Variants in PDE11A observed in about 807,000 individuals in gnomAD.
PDE11A encodes dual 3',5'-cyclic-AMP and -GMP phosphodiesterase 11A.
In PDE11A, 100 loss-of-function variants were observed where a neutral mutation model predicts 100.5. The ratio of observed to expected loss-of-function variants is 1.00; its 90% confidence interval spans 0.85 to 1.18. PDE11A has a LOEUF of 1.18. Among genes scored for constraint, PDE11A ranks in the 50% most tolerant of loss-of-function variants. The pLI, the probability that PDE11A is intolerant of heterozygous loss-of-function variation, is 0.00. For synonymous variants in PDE11A, 381 were observed against 420.8 expected (o/e 0.91, Z 1.16); for missense variants, 1,141 against 1,152.6 (o/e 0.99, Z 0.15).
chr2:177,812,845 T>G (rs1434913216), intron 9 of PDE11A, among the ~76,000 whole-genome samples: 1 of 152,144 alleles, frequency 6.6e-6, no homozygotes, highest in African/African-American at 2.4e-5. Flanking sequence ...GATACACAGG[T>G]GCAATAAGCA....
chr2:178,097,196 C>T (rs968970251), intron 2 of PDE11A, among the ~76,000 whole-genome samples: 5 of 152,156 alleles, frequency 3.3e-5, no homozygotes, highest in Non-Finnish European at 7.4e-5. Context: ...ATCTCTTACA[C>T]ATTTTTAAGT....
At chr2:177,849,913 T>C (rs6414096) in intron 5 of PDE11A, among the ~76,000 whole-genome samples, 140,180 of 152,264 alleles carry the variant, frequency 0.92, 64,536 homozygotes, top group East Asian at 0.99. Flanking sequence ...GAACATTCCA[T>C]GCTCAAGGAT....
At chr2:178,055,353 G>T (rs535710330) in intron 1 of PDE11A, among the ~76,000 whole-genome samples, 9 of 151,472 alleles carry the variant, frequency 5.9e-5, no homozygotes, top group South Asian at 2.1e-4. Flanking sequence ...GTCATGGGGT[G>T]GGGGGGAGGG....
At chr2:177,807,532 C>T (rs112911489) in intron 9 of PDE11A, among the ~76,000 whole-genome samples, 1,633 of 152,046 alleles carry the variant, frequency 0.011, 15 homozygotes, top group East Asian at 0.059. Flanking sequence ...GCAATCCTCC[C>T]ACCTCAACCT....
intron 9 of PDE11A, among the ~76,000 whole-genome samples, chr2:177,795,249 G>A (rs1356769932): frequency 1.3e-5 from 2 of 152,066 alleles, no homozygotes; most frequent in Non-Finnish European, 2.9e-5. Context: ...CACACTTTTG[G>A]AAATAGACAT....
intron 17 of PDE11A, among the ~76,000 whole-genome samples, chr2:177,671,049 G>T (rs1222915310): frequency 1.3e-5 from 2 of 152,096 alleles, no homozygotes; most frequent in East Asian, 3.8e-4. Context: ...CCTTTGAAGA[G>T]GAAATGGTCC....
intron 14 of PDE11A, among the ~76,000 whole-genome samples, chr2:177,700,854 C>T (rs1443084090): frequency 6.6e-6 from 1 of 152,168 alleles, no homozygotes; most frequent in Non-Finnish European, 1.5e-5. Flanking sequence ...TGGTGACAAG[C>T]AGTCTATATC....
chr2:177,679,972 G>C (rs2080836853), intron 16 of PDE11A, among the ~76,000 whole-genome samples: 1 of 152,112 alleles, frequency 6.6e-6, no homozygotes. Context: ...AGCCCTCTGG[G>C]GAGAGGGCTG....
intron 2 of PDE11A, among the ~76,000 whole-genome samples, chr2:177,984,696 C>T (rs961101554): frequency 2.0e-5 from 3 of 152,166 alleles, no homozygotes; most frequent in African/African-American, 7.2e-5. Flanking sequence ...GCATTATATA[C>T]ATAAACTTCA....
chr2:177,634,134 G>A (rs150511811), intron 19 of PDE11A, among the ~76,000 whole-genome samples: 87 of 152,206 alleles, frequency 5.7e-4, no homozygotes, highest in African/African-American at 1.9e-3. Flanking sequence ...AGCCATTTAA[G>A]TTTATTTGGC....
At chr2:178,077,226 C>A (rs1180668057), upstream of PDE11A, among the ~76,000 whole-genome samples, 2 of 151,094 alleles carry the variant, frequency 1.3e-5, no homozygotes, top group Non-Finnish European at 2.9e-5. Context: ...CTCTCCTGAA[C>A]CTCAGAGCCC....
rs115996430 is a variant in PDE11A at position 177,748,895 on chromosome 2, A to G, written c.1788+20428T>C. Reference sequence around the variant, plus strand: ...TTCATAGTTTGTCATTGAATATGATATAAAACACCTGCAGGTAGGTTATTT... The same window carrying G: ...TTCATAGTTTGTCATTGAATATGATGTAAAACACCTGCAGGTAGGTTATTT... On this transcript the variant is annotated intron_variant, in intron 10 of 19. Transcript: ENST00000286063. Among the ~76,000 whole-genome samples the G allele has an allele frequency of 2.2e-3, 339 of 152,340 alleles. 1 individual carries two copies. Among genetic ancestry groups the G allele is most frequent in the African/African-American group, 7.8e-3 (324 of 41,574 alleles).
At chr2:177,934,861 A>C (rs2085253084) in intron 2 of PDE11A, among the ~76,000 whole-genome samples, 1 of 152,242 alleles carries the variant, frequency 6.6e-6, no homozygotes, top group Admixed American at 6.5e-5. Context: ...GAAGGCTATT[A>C]TTCTAAGCAA....
At chr2:177,827,242 T>A (rs2083239526) in intron 6 of PDE11A, among the ~76,000 whole-genome samples, 1 of 152,208 alleles carries the variant, frequency 6.6e-6, no homozygotes, top group African/African-American at 2.4e-5. Flanking sequence ...ATGGAAGAAT[T>A]GCATGGGACT....
Position 177,945,090 on chromosome 2 carries a change from G to A in PDE11A, c.1072-39903C>T, listed in dbSNP as rs551065797. On this transcript the variant is annotated intron_variant, in intron 2 of 19. Coordinates refer to ENST00000286063, the MANE Select transcript of PDE11A (RefSeq NM_016953.4). Reference sequence around the variant, plus strand: ...GCCAGCCTTGGCCTCCCGAGGTGCCGGGATTGCAGAGGGAGTCTCGTTCAC... The same window carrying A: ...GCCAGCCTTGGCCTCCCGAGGTGCCAGGATTGCAGAGGGAGTCTCGTTCAC... Among the ~76,000 whole-genome samples the A allele has an allele frequency of 5.3e-5, 8 of 150,714 alleles. No individual in the cohort carries two copies. In the South Asian group the frequency reaches 1.1e-3, roughly 20 times the overall value.
chr2:177,889,977 T>G (rs749577720), intron 4 of PDE11A, among the ~76,000 whole-genome samples: 7 of 152,272 alleles, frequency 4.6e-5, no homozygotes, highest in Non-Finnish European at 1.0e-4. Context: ...TGTGTGTTAG[T>G]GTTTAAATGA....
chr2:178,049,826 C>T (rs2086798578), intron 1 of PDE11A, among the ~76,000 whole-genome samples: 1 of 152,164 alleles, frequency 6.6e-6, no homozygotes, highest in African/African-American at 2.4e-5. Context: ...ATTGCTGAGG[C>T]TTGAGTAGGT....
chr2:177,873,770 T>TGTAG (rs1223698572), intron 5 of PDE11A, among the ~76,000 whole-genome samples: 1 of 152,216 alleles, frequency 6.6e-6, no homozygotes, highest in Non-Finnish European at 1.5e-5. Flanking sequence ...TTATATAGTA[T>TGTAG]GTAGCAAAGG....
At chr2:177,840,891 ACTAT>A (rs936675039) in intron 5 of PDE11A, among the ~76,000 whole-genome samples, 2 of 152,232 alleles carry the variant, frequency 1.3e-5, no homozygotes, top group African/African-American at 4.8e-5. Context: ...AAACAATTTT[ACTAT>A]CTTAGTCATT....
Sources: allele counts gnomAD v4.1 joint callset (sites outside exome capture counted in the v4.1 genomes callset), GRCh38; gene constraint gnomAD v4.1.1; transcripts MANE v1.5; gene names NCBI Gene and HGNC (gene_info 2026-07-23, HGNC 2026-07-21).